SPESP1: variants seen among roughly 807,000 people sequenced by gnomAD.
The protein encoded by SPESP1 is equatorial segment protein.
In SPESP1, 1 loss-of-function variant was observed where a neutral mutation model predicts 3.1. The observed-to-expected ratio is 0.33, with a 90% confidence interval of 0.12 to 1.54. The LOEUF (loss-of-function observed/expected upper bound fraction) is 1.54. Ranked by LOEUF, SPESP1 falls within the 40% of genes most tolerant of loss-of-function variation. The pLI is 0.38. For synonymous variants in SPESP1, 138 were observed against 150.7 expected, an observed-to-expected ratio of 0.92 and a Z score of 0.62; for missense variants, 398 against 410.1, an observed-to-expected ratio of 0.97 and a Z score of 0.26.
chr15:68,946,610 C>A lies in SPESP1; in HGVS notation c.*23C>A, dbSNP rs1386371080. 3 of 1,421,520 alleles carry A rather than the reference C, an allele frequency of 2.1e-6. No homozygotes were observed. Among genetic ancestry groups the A allele is most frequent in the East Asian group, 5.1e-5 (2 of 39,086 alleles). The allele number at this position is 1,421,520 out of a possible 1,614,324, so 88.1% of individuals were successfully genotyped here. A position where few individuals can be genotyped will look rare whatever the true frequency, so the allele number is the denominator to read the frequency against. ...TAAACAATAATATAAAAATTTTAAACCTACTTGATATTCCATAACAAAGCT... is the reference window on the plus strand; with the variant it reads ...TAAACAATAATATAAAAATTTTAAAACTACTTGATATTCCATAACAAAGCT... On this transcript the variant is annotated 3_prime_UTR_variant, in exon 2 of 2. Transcript: ENST00000310673.
intron 1 of SPESP1, among the ~76,000 whole-genome samples, chr15:68,932,847 A>T (rs1895585346): frequency 6.6e-6 from 1 of 152,248 alleles, no homozygotes; most frequent in Non-Finnish European, 1.5e-5. Flanking sequence ...TACAGGTTGT[A>T]ATCATAGAAG....
Position 68,945,980 on chromosome 15 carries a change from C to G in SPESP1, c.446C>G (p.Pro149Arg). Reference sequence around the variant, plus strand: ...GAAAATGAAGAGCCAGAGCCAGAGCCGGAGCCAGCTGCAAAACAAACTGAG... The same window carrying G: ...GAAAATGAAGAGCCAGAGCCAGAGCGGGAGCCAGCTGCAAAACAAACTGAG... Reference protein sequence around the residue: ...YIENEEPEPEPEPAAKQTEAP... With the variant: ...YIENEEPEPEREPAAKQTEAP... The change falls in exon 2 of 2, where the codon CCG (proline) becomes CGG (arginine). Residue 149 changes from proline (P) to arginine (R), a missense_variant. Transcript: ENST00000310673. 6.2e-7 allele frequency: 1 copy of G among 1,614,094 alleles called. No individual in the cohort carries two copies. The highest frequency in any genetic ancestry group is 1.1e-5 in the South Asian group (1 of 91,054).
intron 1 of SPESP1, among the ~76,000 whole-genome samples, chr15:68,933,998 C>T (rs997300178): frequency 9.2e-5 from 14 of 151,800 alleles, no homozygotes; most frequent in South Asian, 8.3e-4. Context: ...GCTGGCAGTG[C>T]AAACTAATTA....
chr15:68,936,566 G>C (rs1350370553), intron 1 of SPESP1, among the ~76,000 whole-genome samples: 1 of 152,150 alleles, frequency 6.6e-6, no homozygotes, highest in African/African-American at 2.4e-5. Context: ...GGGGATAAGG[G>C]ATATGGGAAA....
intron 1 of SPESP1, among the ~76,000 whole-genome samples, chr15:68,935,615 C>G (rs888344823): frequency 6.6e-6 from 1 of 152,200 alleles, no homozygotes; most frequent in Admixed American, 6.5e-5. Context: ...TGGGGCAAGC[C>G]CATATCCAAT....
At chr15:68,939,335 AAC>A (rs1249909677) in intron 1 of SPESP1, among the ~76,000 whole-genome samples, 1 of 152,232 alleles carries the variant, frequency 6.6e-6, no homozygotes, top group Non-Finnish European at 1.5e-5. Flanking sequence ...CAAGTATAAT[AAC>A]ACAACTTCTA....
At chr15:68,933,096 G>A (rs551373096) in intron 1 of SPESP1, among the ~76,000 whole-genome samples, 26 of 152,282 alleles carry the variant, frequency 1.7e-4, no homozygotes, top group African/African-American at 6.3e-4. Flanking sequence ...CAAAAGATAA[G>A]GTACATAGGT....
At chr15:68,937,655 G>C in intron 1 of SPESP1, among the ~76,000 whole-genome samples, 1 of 152,140 alleles carries the variant, frequency 6.6e-6, no homozygotes. Context: ...GTGTTCTCCA[G>C]GGGCTGGGGT....
rs766833635 is a variant in SPESP1 at position 68,946,104 on chromosome 15, T to C, written c.570T>C (p.Ile190=). 1.2e-5 allele frequency: 19 copies of C among 1,614,204 alleles called. No homozygotes were observed. The East Asian group carries it at 2.7e-4, about 23-fold the overall frequency. The part of the protein sequence containing the change: ...PVTTLDKSTG[I]GISTESEDVP... ...CCACTTTAGATAAGAGCACTGGCAT[T>C]GGGATCTCTACAGAATCAGAAGATG... is the stretch of plus-strand genomic sequence containing the variant. The change falls in exon 2 of 2, where the codon ATT becomes ATC. Residue 190 remains isoleucine, a synonymous_variant. Coordinates refer to ENST00000310673, the MANE Select transcript of SPESP1 (RefSeq NM_145658.4).
chr15:68,938,449 A>G (rs1895737364), intron 1 of SPESP1, among the ~76,000 whole-genome samples: 1 of 152,144 alleles, frequency 6.6e-6, no homozygotes, highest in African/African-American at 2.4e-5. Context: ...ATTATTTTCA[A>G]TATTACTAGA....
Position 68,939,481 on chromosome 15 carries a change from C to T in SPESP1, c.65-6118C>T, listed in dbSNP as rs74020553. ...ACAGTTGAGGCTCCACTATCTTTTA[C>T]TACCTTGACCTACAAACATTTTTAT... On this transcript the variant is annotated intron_variant, in intron 1 of 1. Transcript: ENST00000310673. Among the ~76,000 whole-genome samples the T allele has an allele frequency of 8.7e-3, 1,325 of 152,302 alleles. 20 individuals carry two copies. The highest frequency in any genetic ancestry group is 0.03 in the African/African-American group (1,258 of 41,576).
chr15:68,942,148 T>G (rs1490551555), intron 1 of SPESP1, among the ~76,000 whole-genome samples: 1 of 151,336 alleles, frequency 6.6e-6, no homozygotes, highest in African/African-American at 2.4e-5. Flanking sequence ...TTTTTTCTGT[T>G]ATGTAAACAA....
Position 68,930,536 on chromosome 15 carries a change from T to A in SPESP1, c.-118T>A. ...CGCTGGGGACAACCGTTGCTGGGTG[T>A]CCCAGGGCCTGAGGCAGGACGGTAC... On this transcript the variant is annotated 5_prime_UTR_variant, in exon 1 of 2. Coordinates refer to ENST00000310673, the MANE Select transcript of SPESP1 (RefSeq NM_145658.4). 3 of 1,398,042 alleles carry A rather than the reference T, an allele frequency of 2.1e-6. No individual in the cohort carries two copies. Among genetic ancestry groups the A allele is most frequent in the Non-Finnish European group, 3.0e-6 (3 of 1,005,552 alleles). The allele number at this position is 1,398,042 out of a possible 1,614,324, so 86.6% of individuals were successfully genotyped here. A position where few individuals can be genotyped will look rare whatever the true frequency, so the allele number is the denominator to read the frequency against.
At chr15:68,936,157 A>G (rs1356399674) in intron 1 of SPESP1, among the ~76,000 whole-genome samples, 3 of 152,212 alleles carry the variant, frequency 2.0e-5, no homozygotes, top group Non-Finnish European at 2.9e-5. Context: ...ATGCTTGGGT[A>G]TATGTTTAAG....
Position 68,946,235 on chromosome 15 carries a change from A to T in SPESP1, c.701A>T (p.Asn234Ile). The T allele has an allele frequency of 6.2e-7, 1 of 1,614,168 alleles. No individual in the cohort carries two copies. Among genetic ancestry groups the T allele is most frequent in the Admixed American group, 1.7e-5 (1 of 60,018 alleles). Residue 234 changes from asparagine (N) to isoleucine (I), a missense_variant, in exon 2 of 2, where the codon AAT (asparagine) becomes ATT (isoleucine). By Grantham distance (149) the Asn-to-Ile change is moderately radical. Transcript: ENST00000310673. ...DDILKKILDINSQVQQALLSD... is the reference protein window; with the variant it reads ...DDILKKILDIISQVQQALLSD... ...ATTTTGAAAAAAATTTTAGATATTA[A>T]TTCACAAGTGCAACAGGCACTTCTT...
At chr15:68,938,554 T>A (rs1895739701) in intron 1 of SPESP1, among the ~76,000 whole-genome samples, 1 of 152,230 alleles carries the variant, frequency 6.6e-6, no homozygotes. Context: ...AATATTTACA[T>A]GTAGTTTAAA....
chr15:68,939,100 A>G (rs543753239), intron 1 of SPESP1, among the ~76,000 whole-genome samples: 1 of 152,274 alleles, frequency 6.6e-6, no homozygotes, highest in African/African-American at 2.4e-5. Context: ...CCTCAGGCTC[A>G]CCTTCAGGCC....
chr15:68,930,540 A>T lies in SPESP1; in HGVS notation c.-114A>T, dbSNP rs1895500342. On this transcript the variant is annotated 5_prime_UTR_variant, in exon 1 of 2. Transcript: ENST00000310673. Reference sequence around the variant, plus strand: ...GGGGACAACCGTTGCTGGGTGTCCCAGGGCCTGAGGCAGGACGGTACTCCG... The same window carrying T: ...GGGGACAACCGTTGCTGGGTGTCCCTGGGCCTGAGGCAGGACGGTACTCCG... 7.1e-7 allele frequency: 1 copy of T among 1,402,038 alleles called. No homozygotes were observed. The allele number at this position is 1,402,038 out of a possible 1,614,324, so 86.8% of individuals were successfully genotyped here.
rs150646553 is a variant in SPESP1, at chr15:68,945,946, C to A, written c.412C>A (p.Pro138Thr). Residue 138 changes from proline (P) to threonine (T), a missense_variant, in exon 2 of 2, where the codon CCT (proline) becomes ACT (threonine). By Grantham distance (38) the Pro-to-Thr change is conservative. Transcript: ENST00000310673. Reference protein sequence around the residue: ...NVSIVLHAEEPYIENEEPEPE... With the variant: ...NVSIVLHAEETYIENEEPEPE... ...TTCCATTGTTTTGCATGCAGAGGAA[C>A]CTTATATTGAAAATGAAGAGCCAGA... 92 of 1,613,980 alleles carry A rather than the reference C, an allele frequency of 5.7e-5. No homozygotes were observed. The African/African-American group carries it at 1.1e-3, about 19-fold the overall frequency.
Sources: allele counts gnomAD v4.1 joint callset (sites outside exome capture counted in the v4.1 genomes callset), GRCh38; gene constraint gnomAD v4.1.1; transcripts MANE v1.5; gene names NCBI Gene and HGNC (gene_info 2026-07-23, HGNC 2026-07-21).